PTAR1: variants seen among roughly 807,000 people sequenced by gnomAD.
PTAR1 encodes protein prenyltransferase alpha subunit repeat-containing protein 1.
Under a neutral mutation model 45.5 loss-of-function variants are expected in PTAR1, and 17 were observed. The observed-to-expected ratio is 0.37, with a 90% CI of 0.26 to 0.56. PTAR1 has a LOEUF of 0.56. Ranked by LOEUF, PTAR1 falls within the 20% of genes least tolerant of loss-of-function variation. PTAR1 has a pLI of 0.77. For missense variants in PTAR1, 391 were observed against 476.3 expected (o/e 0.82, Z 1.67); for synonymous variants, 169 against 171.3 (o/e 0.99, Z 0.11).
intron 5 of PTAR1, among the ~76,000 whole-genome samples, chr9:69,728,907 T>G (rs777533488): frequency 1.3e-5 from 2 of 152,126 alleles, no homozygotes; most frequent in Non-Finnish European, 2.9e-5. Context: ...AAGAAAAAAA[T>G]CTATAGCATT....
intron 1 of PTAR1, among the ~76,000 whole-genome samples, chr9:69,754,365 A>C (rs1217928228): frequency 6.6e-6 from 1 of 152,048 alleles, no homozygotes; most frequent in Admixed American, 6.6e-5. Flanking sequence ...ACTAGAACAA[A>C]GAGCAAAACA....
At chr9:69,737,221 A>T (rs191384834) in intron 3 of PTAR1, among the ~76,000 whole-genome samples, 74 of 152,136 alleles carry the variant, frequency 4.9e-4, no homozygotes, top group Middle Eastern at 3.4e-3. Flanking sequence ...CTGGGACCAC[A>T]GGCACACACA....
chr9:69,729,674 T>A (rs1030229284), intron 5 of PTAR1, among the ~76,000 whole-genome samples: 8 of 152,180 alleles, frequency 5.3e-5, no homozygotes, highest in Non-Finnish European at 1.0e-4. Context: ...AAACTGAAGG[T>A]TGAAGAGGCT....
In PTAR1 at chr9:69,713,185, T is replaced by A. The variant is rs1824593060; in HGVS notation, c.*5157A>T. The A allele has an allele frequency of 6.6e-6, 1 of 152,128 alleles. No homozygotes were observed. The highest frequency in any genetic ancestry group is 6.6e-5 in the Admixed American group (1 of 15,240). The allele number at this position is 152,128 out of a possible 1,614,324, so 9.4% of individuals were successfully genotyped here. A position where few individuals can be genotyped will look rare whatever the true frequency, so the allele number is the denominator to read the frequency against. ...ACAAGGTTTCATCAGCAGACTAAAC[T>A]ACTGCCCTGTATTGTTCTTAGCAAA... On this transcript the variant is annotated 3_prime_UTR_variant, in exon 8 of 8. Coordinates refer to ENST00000340434, the MANE Select transcript of PTAR1 (RefSeq NM_001099666.2).
At chr9:69,759,792 C>G in intron 1 of PTAR1, 61 bp downstream of exon 1, 1 of 1,487,332 alleles carries the variant, frequency 6.7e-7, no homozygotes, top group Admixed American at 2.2e-5. Flanking sequence ...CGGGTGGACG[C>G]TTGGCCCCGC....
intron 2 of PTAR1, among the ~76,000 whole-genome samples, chr9:69,742,317 C>A (rs116072047): frequency 0.013 from 1,968 of 152,140 alleles, 44 homozygotes; most frequent in African/African-American, 0.043. Flanking sequence ...CAAAAATTAT[C>A]CTTTCTTGCA....
chr9:69,727,026 TACACACAC>T (rs71356128), intron 5 of PTAR1, among the ~76,000 whole-genome samples: 24 of 147,104 alleles, frequency 1.6e-4, no homozygotes, highest in African/African-American at 3.5e-4. Flanking sequence ...ATTGTGTATA[TACACACAC>T]ACACACACAC....
chr9:69,719,312 CGAG>C (rs1258742350), intron 6 of PTAR1, among the ~76,000 whole-genome samples: 7 of 152,090 alleles, frequency 4.6e-5, no homozygotes, highest in Non-Finnish European at 1.0e-4. Flanking sequence ...GTTCTCCCTC[CGAG>C]GAGAGCAATT....
At chr9:69,721,237 G>GAC (rs1824987354) in intron 6 of PTAR1, among the ~76,000 whole-genome samples, 2 of 152,172 alleles carry the variant, frequency 1.3e-5, no homozygotes, top group Admixed American at 6.5e-5. Context: ...CCTCATGGAT[G>GAC]ACTTTGAGGA....
rs1042757007 is a variant in PTAR1 at position 69,716,355 on chromosome 9, G to A, written c.*1987C>T. On this transcript the variant is annotated 3_prime_UTR_variant, in exon 8 of 8. Coordinates refer to ENST00000340434, the MANE Select transcript of PTAR1 (RefSeq NM_001099666.2). ...TTCAAAATATGCTTTGTACACAAAG[G>A]GCCATGGAATTATGTTCATAATGGT... is the stretch of plus-strand genomic sequence containing the variant. The A allele has an allele frequency of 6.6e-6, 1 of 151,588 alleles. No individual in the cohort carries two copies. The highest frequency in any genetic ancestry group is 1.9e-4 in the East Asian group (1 of 5,154). The allele number at this position is 151,588 out of a possible 1,614,324, so 9.4% of individuals were successfully genotyped here.
chr9:69,734,974 A>G (rs1254599127), intron 3 of PTAR1, among the ~76,000 whole-genome samples: 2 of 152,172 alleles, frequency 1.3e-5, no homozygotes, highest in Non-Finnish European at 2.9e-5. Flanking sequence ...AGGTTGCGTC[A>G]AACTTTTTGT....
intron 1 of PTAR1, among the ~76,000 whole-genome samples, chr9:69,754,724 T>TA (rs1564149668): frequency 0.051 from 851 of 16,834 alleles, 6 homozygotes; most frequent in Admixed American, 0.11. Flanking sequence ...ATATATATAT[T>TA]TTTTTTTTTT....
intron 1 of PTAR1, among the ~76,000 whole-genome samples, chr9:69,752,847 C>A (rs1367432683): frequency 6.6e-6 from 1 of 152,080 alleles, no homozygotes; most frequent in Non-Finnish European, 1.5e-5. Context: ...ATCCTGAAAT[C>A]TATCTAATTC....
intron 6 of PTAR1, among the ~76,000 whole-genome samples, chr9:69,722,184 A>C (rs1825041068): frequency 6.6e-6 from 1 of 152,232 alleles, no homozygotes; most frequent in African/African-American, 2.4e-5. Context: ...GGAGAAAGAA[A>C]GAAAATCTCA....
Position 69,745,924 on chromosome 9 carries a change from G to A in PTAR1, c.257-4066C>T, listed in dbSNP as rs115166690. Reference sequence around the variant, plus strand: ...CTGGATGCCTCCAGAGGGAGCAAAAGATCCTCCTAAGCTGGCTAAGCAGTG... The same window carrying A: ...CTGGATGCCTCCAGAGGGAGCAAAAAATCCTCCTAAGCTGGCTAAGCAGTG... On this transcript the variant is annotated intron_variant, in intron 2 of 7. Coordinates refer to ENST00000340434, the MANE Select transcript of PTAR1 (RefSeq NM_001099666.2). Among the ~76,000 whole-genome samples the A allele has an allele frequency of 2.6e-3, 389 of 152,324 alleles. 2 individuals carry two copies. Among genetic ancestry groups the A allele is most frequent in the African/African-American group, 9.0e-3 (372 of 41,560 alleles).
rs889063455 is a variant in PTAR1 at position 69,716,410 on chromosome 9, T to C, written c.*1932A>G. 3.3e-5 allele frequency: 5 copies of C among 152,268 alleles called. No homozygotes were observed. Among genetic ancestry groups the C allele is most frequent in the African/African-American group, 1.2e-4 (5 of 41,564 alleles). The allele number at this position is 152,268 out of a possible 1,614,324, so 9.4% of individuals were successfully genotyped here. ...TTTCATCTAAATAATATAAAAGCTA[T>C]AAAAAGGTAATTTTTTACTTGAGAG... On this transcript the variant is annotated 3_prime_UTR_variant, in exon 8 of 8. Transcript: ENST00000340434.
At chr9:69,719,400 T>C (rs1215202300) in intron 6 of PTAR1, among the ~76,000 whole-genome samples, 2 of 152,188 alleles carry the variant, frequency 1.3e-5, no homozygotes, top group African/African-American at 4.8e-5. Flanking sequence ...AAAATTTCAA[T>C]TCAGTGGGGG....
At chr9:69,724,660 T>C (rs1329815994) in intron 5 of PTAR1, among the ~76,000 whole-genome samples, 1 of 151,620 alleles carries the variant, frequency 6.6e-6, no homozygotes, top group African/African-American at 2.4e-5. Context: ...ACCCCCATAG[T>C]ACTTATGTAT....
chr9:69,759,813 T>TC, intron 1 of PTAR1, 40 bp downstream of exon 1: 2 of 1,489,434 alleles, frequency 1.3e-6, no homozygotes, highest in Non-Finnish European at 1.8e-6. Context: ...CCCCGCCCGC[T>TC]CCCGACGACC....
Sources: gnomAD v4.1 joint callset for allele counts (sites outside exome capture counted in the v4.1 genomes callset) on GRCh38, gnomAD v4.1.1 for gene constraint, MANE v1.5 for transcripts, NCBI Gene and HGNC (gene_info 2026-07-23, HGNC 2026-07-21) for gene names.